The following SKAP1 variants were observed in gnomAD, a reference collection of about 807,000 sequenced individuals.
SKAP1 encodes the protein src kinase-associated phosphoprotein 1.
Under a neutral mutation model 58.5 loss-of-function variants are expected in SKAP1, and 44 were observed. That is an observed-to-expected ratio of 0.75 (90% CI 0.59 to 0.97). SKAP1 has a LOEUF of 0.97. Among genes scored for constraint, SKAP1 ranks in the 50% least tolerant of loss-of-function variants. The probability of loss-of-function intolerance (pLI) is 0.00; values close to 1 mark genes in which losing one functional copy is unlikely to be tolerated. For missense variants in SKAP1, 390 were observed against 435.2 expected, an observed-to-expected ratio of 0.90 and a Z score of 0.92; for synonymous variants, 127 against 149.7, an observed-to-expected ratio of 0.85 and a Z score of 1.11.
chr17:48,349,450 A>C (rs2066767583), intron 3 of SKAP1, among the ~76,000 whole-genome samples: 1 of 152,238 alleles, frequency 6.6e-6, no homozygotes, highest in Non-Finnish European at 1.5e-5. Flanking sequence ...CAACTCCCTC[A>C]GAATCAATAT....
chr17:48,274,187 G>C (rs2144000600), intron 4 of SKAP1, among the ~76,000 whole-genome samples: 1 of 152,252 alleles, frequency 6.6e-6, no homozygotes, highest in South Asian at 2.1e-4. Flanking sequence ...CCAGATCCAA[G>C]AGTTTGAGAC....
At chr17:48,257,373 T>C (rs1378770329) in intron 4 of SKAP1, among the ~76,000 whole-genome samples, 1 of 152,130 alleles carries the variant, frequency 6.6e-6, no homozygotes, top group Non-Finnish European at 1.5e-5. Flanking sequence ...GCCAGTTTAC[T>C]ACAAACACAA....
chr17:48,245,390 A>T lies in SKAP1; in HGVS notation c.281-55890T>A, dbSNP rs1180047212. 2.6e-5 allele frequency among the ~76,000 whole-genome samples: 4 copies of T among 152,188 alleles called. No homozygotes were observed. The East Asian group carries it at 7.7e-4, about 29-fold the overall frequency. On this transcript the variant is annotated intron_variant, in intron 4 of 12. Coordinates refer to ENST00000336915, the MANE Select transcript of SKAP1 (RefSeq NM_003726.4). Reference sequence around the variant, plus strand: ...TTACGATAGTGACAGGTTGCTGTTGATTACGAGAAGTAGACTTTTGCTCCA... The same window carrying T: ...TTACGATAGTGACAGGTTGCTGTTGTTTACGAGAAGTAGACTTTTGCTCCA...
chr17:48,331,623 C>T (rs1209053245), intron 4 of SKAP1, among the ~76,000 whole-genome samples: 4 of 151,838 alleles, frequency 2.6e-5, no homozygotes, highest in Non-Finnish European at 5.9e-5. Flanking sequence ...CGCTTGAACC[C>T]GGGAGGCGGA....
intron 4 of SKAP1, among the ~76,000 whole-genome samples, chr17:48,230,084 T>TG (rs66743295): frequency 0.83 from 126,631 of 152,080 alleles, 52,783 homozygotes; most frequent in East Asian, 0.95. Flanking sequence ...AATGCCCCTT[T>TG]GGTTAGAATG....
intron 11 of SKAP1, among the ~76,000 whole-genome samples, chr17:48,153,465 C>A (rs1040782617): frequency 6.6e-6 from 1 of 152,154 alleles, no homozygotes; most frequent in Non-Finnish European, 1.5e-5. Context: ...CCATTCCCAT[C>A]CTCCTAACTC....
intron 3 of SKAP1, among the ~76,000 whole-genome samples, chr17:48,353,835 T>C (rs1340968588): frequency 6.7e-6 from 1 of 148,588 alleles, no homozygotes; most frequent in African/African-American, 2.5e-5. Flanking sequence ...GAGGCAGAGG[T>C]TGCAGTGAGC....
intron 11 of SKAP1, among the ~76,000 whole-genome samples, chr17:48,152,534 T>C (rs1369494589): frequency 6.6e-6 from 1 of 152,196 alleles, no homozygotes; most frequent in East Asian, 1.9e-4. Context: ...AGGAGCTGCT[T>C]GTTATAATAC....
chr17:48,290,414 A>G (rs1438308007), intron 4 of SKAP1, among the ~76,000 whole-genome samples: 1 of 152,240 alleles, frequency 6.6e-6, no homozygotes, highest in Non-Finnish European at 1.5e-5. Flanking sequence ...AGCTGAGGCT[A>G]TAACAGCAGG....
At chr17:48,306,137 G>A (rs947847861) in intron 4 of SKAP1, among the ~76,000 whole-genome samples, 3 of 152,158 alleles carry the variant, frequency 2.0e-5, no homozygotes. Context: ...AAAAATTTTT[G>A]TTGCTGCAAA....
intron 4 of SKAP1, among the ~76,000 whole-genome samples, chr17:48,297,743 T>G (rs1241927862): frequency 3.3e-5 from 5 of 152,196 alleles, no homozygotes; most frequent in African/African-American, 1.2e-4. Flanking sequence ...TGGTTCTTAT[T>G]TTATTGGTTA....
At chr17:48,304,181 AACACTTATTTTATGTAATAATG>A (rs2066103910) in intron 4 of SKAP1, among the ~76,000 whole-genome samples, 2 of 152,340 alleles carry the variant, frequency 1.3e-5, no homozygotes, top group Admixed American at 1.3e-4. Context: ...CTCTATAAAA[AACACTTATTTTATGTAATAATG>A]ACACTTACAG....
intron 3 of SKAP1, among the ~76,000 whole-genome samples, chr17:48,346,346 A>T (rs902942055): frequency 1.3e-5 from 2 of 152,188 alleles, no homozygotes; most frequent in Non-Finnish European, 2.9e-5. Context: ...ATATTCAGCC[A>T]GGCATGGTGG....
chr17:48,170,591 A>G lies in SKAP1; in HGVS notation c.877+18T>C, dbSNP rs377458790. The G allele has an allele frequency of 1.4e-5, 23 of 1,610,480 alleles. No homozygotes were observed. Among genetic ancestry groups the G allele is most frequent in the Non-Finnish European group, 1.8e-5 (21 of 1,176,920 alleles). ...ATAATGTCCTACCCAGTGCCTGTGC[A>G]TTTAGAAGCTCTTATACCTCCTTTT... On this transcript the variant is annotated intron_variant, in intron 10 of 12. Transcript: ENST00000336915.
chr17:48,380,236 C>T (rs944451238), intron 2 of SKAP1: 1 of 152,190 alleles, frequency 6.6e-6, no homozygotes, highest in Admixed American at 6.5e-5. Flanking sequence ...GAGGGATTCT[C>T]CAGCATCAGA....
At chr17:48,221,285 TA>T (rs1313699612) in intron 4 of SKAP1, among the ~76,000 whole-genome samples, 1 of 152,104 alleles carries the variant, frequency 6.6e-6, no homozygotes, top group African/African-American at 2.4e-5. Flanking sequence ...AATAAATAAA[TA>T]AATCATTGAG....
At chr17:48,405,406 TTTCTTTCTTTCTTTCTTTC>T (rs1414175107) in intron 1 of SKAP1, among the ~76,000 whole-genome samples, 1 of 67,332 alleles carries the variant, frequency 1.5e-5, no homozygotes, top group East Asian at 3.2e-4. Context: ...TCTTTCTTTC[TTTCTTTCTTTCTTTCTTTC>T]TTTCTTTCTT....
chr17:48,422,396 A>G (rs1318479981), intron 1 of SKAP1, among the ~76,000 whole-genome samples: 2 of 152,246 alleles, frequency 1.3e-5, no homozygotes, highest in African/African-American at 4.8e-5. Flanking sequence ...AGACATTTAT[A>G]TGGTGTTTAG....
At chr17:48,380,590 A>C (rs1243280667) in intron 2 of SKAP1, among the ~76,000 whole-genome samples, 1 of 152,220 alleles carries the variant, frequency 6.6e-6, no homozygotes, top group Non-Finnish European at 1.5e-5. Flanking sequence ...AGAAATCTAT[A>C]TATTTTAACA....
Sources: allele counts gnomAD v4.1 joint callset (sites outside exome capture counted in the v4.1 genomes callset), GRCh38; gene constraint gnomAD v4.1.1; transcripts MANE v1.5; gene names NCBI Gene and HGNC (gene_info 2026-07-23, HGNC 2026-07-21).